ERMAP: variants seen among roughly 807,000 people sequenced by gnomAD.
ERMAP encodes the protein erythroid membrane-associated protein.
In ERMAP, 34 loss-of-function variants were observed where a neutral mutation model predicts 49.5. The observed-to-expected ratio is 0.69, with a 90% CI of 0.52 to 0.91. The LOEUF is 0.91. Among genes scored for constraint, ERMAP ranks in the 40% least tolerant of loss-of-function variants. The pLI, the probability that ERMAP is intolerant of heterozygous loss-of-function variation, is 0.00. For synonymous variants in ERMAP, 214 were observed against 232.2 expected (o/e 0.92, Z 0.71); for missense variants, 541 against 582.6 (o/e 0.93, Z 0.74).
chr1:42,818,668 A>G (rs1230647164), intron 1 of ERMAP, among the ~76,000 whole-genome samples: 1 of 152,044 alleles, frequency 6.6e-6, no homozygotes, highest in African/African-American at 2.4e-5. Flanking sequence ...ATGGAGTCTC[A>G]CTGTGTTTCC....
intron 1 of ERMAP, among the ~76,000 whole-genome samples, chr1:42,822,026 AAAG>A (rs1381387971): frequency 6.6e-6 from 1 of 150,760 alleles, no homozygotes; most frequent in African/African-American, 2.4e-5. Flanking sequence ...AAAAAAAAAA[AAAG>A]AAAACTAAGA....
chr1:42,841,351 A>G (rs35739712), intron 11 of ERMAP, among the ~76,000 whole-genome samples: 1 of 152,344 alleles, frequency 6.6e-6, no homozygotes, highest in Non-Finnish European at 1.5e-5. Flanking sequence ...ATTTTAGGGA[A>G]GAATCCTTCT....
chr1:42,839,782 T>C, intron 8 of ERMAP: 5 of 574,310 alleles, frequency 8.7e-6, no homozygotes, highest in South Asian at 2.3e-5. Flanking sequence ...AGGTGTGAGA[T>C]GTGTTATTTA....
chr1:42,817,422 G>A, intron 1 of ERMAP, 169 bp downstream of exon 1: 1 of 294,636 alleles, frequency 3.4e-6, no homozygotes, highest in Non-Finnish European at 5.5e-6. Context: ...AACCCGCGTA[G>A]AGGGCGGGGC....
At chr1:42,836,601 A>G (rs1287368661) in intron 6 of ERMAP, among the ~76,000 whole-genome samples, 1 of 152,160 alleles carries the variant, frequency 6.6e-6, no homozygotes, top group African/African-American at 2.4e-5. Context: ...CACGCCTGTA[A>G]TCCTAGCACT....
Position 42,819,237 on chromosome 1 carries a change from GAA to G in ERMAP, c.-122+1986_-122+1987del, listed in dbSNP as rs1447900782. Among the ~76,000 whole-genome samples the G allele has an allele frequency of 2.0e-5, 3 of 151,608 alleles. No homozygotes were observed. The highest frequency in any genetic ancestry group is 1.9e-4 in the East Asian group (1 of 5,150). ...CGCGCAAGAGAGGGACCGAGAGAGAGAAAGAGCTAGATTACGCTTCAAGTGGC... is the reference window on the plus strand; with the variant it reads ...CGCGCAAGAGAGGGACCGAGAGAGAGAGAGCTAGATTACGCTTCAAGTGGC... On this transcript the variant is annotated intron_variant, in intron 1 of 11. Coordinates refer to ENST00000372517, the MANE Select transcript of ERMAP (RefSeq NM_001017922.2). The surrounding 1 kb of genome is among the most constrained non-coding windows in gnomAD (Gnocchi z 5.1).
At chr1:42,818,849 T>C (rs923775181) in intron 1 of ERMAP, among the ~76,000 whole-genome samples, 15 of 152,330 alleles carry the variant, frequency 9.8e-5, no homozygotes, top group South Asian at 2.1e-4. Flanking sequence ...AAAAACCCTA[T>C]ACAAATGCTG....
rs776967067 is a variant in ERMAP, at chr1:42,843,177, C to T, written c.1373C>T (p.Ser458Phe). The T allele has an allele frequency of 3.2e-5, 52 of 1,612,126 alleles. No individual in the cohort carries two copies. The South Asian group carries it at 5.7e-4, about 18-fold the overall frequency. ...CCAGAGCTGAAGGATATAATCCTGT[C>T]CTTGCCCCCTGACCTTGGCCCAGCC... ...KAPELKDIIL[S>F]LPPDLGPALQ... The change falls in exon 12 of 12, where the codon TCC becomes TTC. Residue 458 changes from serine to phenylalanine, a missense_variant. Transcript: ENST00000372517.
At chr1:42,827,001 C>G (rs900184282) in intron 2 of ERMAP, among the ~76,000 whole-genome samples, 6 of 152,086 alleles carry the variant, frequency 3.9e-5, no homozygotes, top group African/African-American at 1.4e-4. Flanking sequence ...CCTAAATGTC[C>G]TCAATATAGA....
Position 42,817,219 on chromosome 1 carries a change from G to C in ERMAP, c.-156G>C. On this transcript the variant is annotated 5_prime_UTR_variant, in exon 1 of 12. Coordinates refer to ENST00000372517, the MANE Select transcript of ERMAP (RefSeq NM_001017922.2). ...CCCGACCGGGCCACTGGAAGTTGGA[G>C]CCTCCGCCGAGTCGCAGACAACGCC... The C allele has an allele frequency of 1.1e-5, 14 of 1,256,276 alleles. No individual in the cohort carries two copies. The highest frequency in any genetic ancestry group is 1.4e-5 in the Non-Finnish European group (14 of 974,040). 77.8% of individuals were successfully genotyped at this position (1,256,276 alleles called of 1,614,324 possible). A position where few individuals can be genotyped will look rare whatever the true frequency, so the allele number is the denominator to read the frequency against.
intron 4 of ERMAP, among the ~76,000 whole-genome samples, chr1:42,832,324 T>G (rs375326296): frequency 2.0e-5 from 3 of 151,462 alleles, no homozygotes; most frequent in Admixed American, 6.6e-5. Flanking sequence ...CTGAGTTAGC[T>G]GGGATTACTG....
At chr1:42,832,523 C>T (rs34867079) in intron 4 of ERMAP, among the ~76,000 whole-genome samples, 51 of 151,918 alleles carry the variant, frequency 3.4e-4, no homozygotes, top group African/African-American at 1.1e-3. Flanking sequence ...TGTGCCACCA[C>T]GCCCGGCTAA....
chr1:42,830,373 C>T (rs1407050404), intron 2 of ERMAP, 71 bp from the exon 3 acceptor site: 5 of 1,394,060 alleles, frequency 3.6e-6, no homozygotes, highest in Non-Finnish European at 5.1e-6. Context: ...TCGGCCTCGG[C>T]TCCTGGGTTA....
chr1:42,838,441 T>C lies in ERMAP; in HGVS notation c.617-460T>C, dbSNP rs532914032. Among the ~76,000 whole-genome samples, 24 of 152,272 alleles carry C rather than the reference T, an allele frequency of 1.6e-4. No homozygotes were observed. The South Asian group carries it at 5.0e-3, about 32-fold the overall frequency. ...CATGTCTCATACACATGTCCCCAAATCTTCTGGGACCTCCAATTTGTGAAA... is the reference window on the plus strand; with the variant it reads ...CATGTCTCATACACATGTCCCCAAACCTTCTGGGACCTCCAATTTGTGAAA... On this transcript the variant is annotated intron_variant, in intron 7 of 11. Coordinates refer to ENST00000372517, the MANE Select transcript of ERMAP (RefSeq NM_001017922.2).
rs911253905 is a variant in ERMAP at position 42,840,447 on chromosome 1, C to A, written c.712+151C>A. ...TATCTGACTATCAAATTAAAAAAAT[C>A]TTTGTGATCGATCTTGAGGTCATAT... On this transcript the variant is annotated intron_variant, in intron 11 of 11. Coordinates refer to ENST00000372517, the MANE Select transcript of ERMAP (RefSeq NM_001017922.2). 6 of 902,702 alleles carry A rather than the reference C, an allele frequency of 6.6e-6. No individual in the cohort carries two copies. In the East Asian group the frequency reaches 1.3e-4, roughly 20 times the overall value. The allele number at this position is 902,702 out of a possible 1,614,324, so 55.9% of individuals were successfully genotyped here. A position where few individuals can be genotyped will look rare whatever the true frequency, so the allele number is the denominator to read the frequency against.
chr1:42,821,649 T>TA (rs1300048337), intron 1 of ERMAP, among the ~76,000 whole-genome samples: 1 of 152,206 alleles, frequency 6.6e-6, no homozygotes, highest in Non-Finnish European at 1.5e-5. Context: ...GCTTTACATT[T>TA]AAAAATTATT....
chr1:42,842,928 C>T lies in ERMAP; in HGVS notation c.1124C>T (p.Thr375Ile). The part of the protein sequence containing the change: ...EAGVISFYNV[T>I]NKSHIFTFTH... Reference sequence around the variant, plus strand: ...GGAGTCATCTCTTTCTACAATGTGACCAACAAGTCCCACATCTTTACTTTC... The same window carrying T: ...GGAGTCATCTCTTTCTACAATGTGATCAACAAGTCCCACATCTTTACTTTC... Residue 375 changes from threonine to isoleucine, a missense_variant, in exon 12 of 12, where the codon ACC (threonine) becomes ATC (isoleucine). By Grantham distance (89) the Thr-to-Ile change is moderately conservative. Coordinates refer to ENST00000372517, the MANE Select transcript of ERMAP (RefSeq NM_001017922.2). 6.2e-7 allele frequency: 1 copy of T among 1,614,172 alleles called. No individual in the cohort carries two copies. Among genetic ancestry groups the T allele is most frequent in the South Asian group, 1.1e-5 (1 of 91,080 alleles).
chr1:42,839,552 G>C (rs181030930), intron 8 of ERMAP: 3 of 172,092 alleles, frequency 1.7e-5, no homozygotes, highest in African/African-American at 7.2e-5. Context: ...GGAGGTTGCA[G>C]TGAGCCGAGA....
chr1:42,843,472 T>C lies in ERMAP; in HGVS notation c.*240T>C. On this transcript the variant is annotated 3_prime_UTR_variant, in exon 12 of 12. Transcript: ENST00000372517. ...ATTCCTGGAAACCAAACAATCAGTT[T>C]AGGTGCAGGTGGAGATGTTGAATAT... 2.4e-6 allele frequency: 1 copy of C among 422,530 alleles called. No individual in the cohort carries two copies. The highest frequency in any genetic ancestry group is 4.0e-5 in the Admixed American group (1 of 24,750). 26.2% of individuals were successfully genotyped at this position (422,530 alleles called of 1,614,324 possible). A position where few individuals can be genotyped will look rare whatever the true frequency, so the allele number is the denominator to read the frequency against.
Sources: allele counts gnomAD v4.1 joint callset (sites outside exome capture counted in the v4.1 genomes callset), GRCh38; gene constraint gnomAD v4.1.1; non-coding constraint Gnocchi (gnomAD v3.1); transcripts MANE v1.5; gene names NCBI Gene and HGNC (gene_info 2026-07-23, HGNC 2026-07-21).